Variants in SUPT3H observed in about 807,000 individuals in gnomAD.
SUPT3H encodes SPT3 homolog, SAGA and STAGA complex component, also known as transcription initiation protein SPT3 homolog.
A neutral mutation model predicts 44.3 loss-of-function variants in SUPT3H; 44 were observed. The observed-to-expected ratio is 0.99, with a 90% CI of 0.78 to 1.28. SUPT3H has a LOEUF of 1.28. Ranked by LOEUF, SUPT3H falls within the 50% of genes most tolerant of loss-of-function variation. The probability of loss-of-function intolerance (pLI) is 0.00; values close to 1 mark genes in which losing one functional copy is unlikely to be tolerated. For missense variants in SUPT3H, 380 were observed against 387.1 expected (o/e 0.98, Z 0.15); for synonymous variants, 124 against 125.6 (o/e 0.99, Z 0.09).
At chr6:44,851,376 T>C (rs1772856038) in intron 10 of SUPT3H, among the ~76,000 whole-genome samples, 1 of 152,208 alleles carries the variant, frequency 6.6e-6, no homozygotes, top group Non-Finnish European at 1.5e-5. Flanking sequence ...CTGATGTGAC[T>C]CACGCTTGTG....
chr6:45,243,861 T>C (rs1562779095), intron 2 of SUPT3H, among the ~76,000 whole-genome samples: 2 of 152,190 alleles, frequency 1.3e-5, no homozygotes. Flanking sequence ...CGATCTGTTT[T>C]ATATTTTTAA....
At chr6:45,303,732 T>C (rs1449963256) in intron 2 of SUPT3H, among the ~76,000 whole-genome samples, 1 of 149,560 alleles carries the variant, frequency 6.7e-6, no homozygotes, top group Non-Finnish European at 1.5e-5. Flanking sequence ...CAGTGGCTCA[T>C]GCCTGTAATC....
chr6:45,320,133 T>C (rs1429403975), intron 2 of SUPT3H, among the ~76,000 whole-genome samples: 2 of 152,086 alleles, frequency 1.3e-5, no homozygotes, highest in Non-Finnish European at 2.9e-5. Context: ...CGTAACAATA[T>C]TATTAAAAAA....
chr6:45,037,290 A>G lies in SUPT3H; in HGVS notation c.187-16658T>C, dbSNP rs1474689808. Among the ~76,000 whole-genome samples the G allele has an allele frequency of 2.0e-5, 3 of 151,914 alleles. No individual in the cohort carries two copies. The East Asian group carries it at 5.8e-4, about 29-fold the overall frequency. ...GAAGGGGGTAAGAAATGGAGGGAGA[A>G]AAGAAAAGATGCAGAAAAAAAAAGA... On this transcript the variant is annotated intron_variant, in intron 3 of 10. Coordinates refer to ENST00000371459, the MANE Select transcript of SUPT3H (RefSeq NM_003599.4).
chr6:45,040,762 T>C (rs1277744348), intron 3 of SUPT3H, among the ~76,000 whole-genome samples: 1 of 152,150 alleles, frequency 6.6e-6, no homozygotes, highest in Non-Finnish European at 1.5e-5. Flanking sequence ...TAATTAAATA[T>C]ATTGAGGTTG....
intron 2 of SUPT3H, among the ~76,000 whole-genome samples, chr6:45,167,809 TTTCA>T (rs1163935908): frequency 6.6e-6 from 1 of 151,896 alleles, no homozygotes; most frequent in East Asian, 1.9e-4. Context: ...ACTTCTTTAT[TTTCA>T]TTTATTTTTT....
intron 2 of SUPT3H, among the ~76,000 whole-genome samples, chr6:45,209,229 T>C (rs1429354704): frequency 1.3e-5 from 2 of 152,204 alleles, no homozygotes; most frequent in Non-Finnish European, 2.9e-5. Context: ...CTGCAGCCCA[T>C]GGATCAAGGA....
chr6:45,171,713 C>CTTTTTTTTTT (rs777154020), intron 2 of SUPT3H, among the ~76,000 whole-genome samples: 7 of 93,474 alleles, frequency 7.5e-5, no homozygotes, highest in Middle Eastern at 0.011. Flanking sequence ...ATTCCACTTG[C>CTTTTTTTTTT]TTTTTTTTTT....
Position 45,116,680 on chromosome 6 carries a change from T to G in SUPT3H, c.102-10674A>C, listed in dbSNP as rs1240903534. On this transcript the variant is annotated intron_variant, in intron 2 of 10. Coordinates refer to ENST00000371459, the MANE Select transcript of SUPT3H (RefSeq NM_003599.4). ...AAAGCTTACTTTAAAGGTCTGGTTTTGTTTTGTTTTTGCTAAACAGCATCT... is the reference window on the plus strand; with the variant it reads ...AAAGCTTACTTTAAAGGTCTGGTTTGGTTTTGTTTTTGCTAAACAGCATCT... Among the ~76,000 whole-genome samples, 6 of 152,180 alleles carry G rather than the reference T, an allele frequency of 3.9e-5. No homozygotes were observed. The South Asian group carries it at 8.3e-4, about 21-fold the overall frequency.
At chr6:44,919,363 T>G (rs1768290146) in intron 10 of SUPT3H, among the ~76,000 whole-genome samples, 2 of 152,128 alleles carry the variant, frequency 1.3e-5, no homozygotes, top group African/African-American at 4.8e-5. Flanking sequence ...TCATTAACGG[T>G]TTAGAAAGTC....
chr6:45,105,902 CA>C lies in SUPT3H; in HGVS notation c.186+19del. On this transcript the variant is annotated intron_variant, in intron 3 of 10. Transcript: ENST00000371459. ...AGAATGCAGAGAAGAGAAACCAAAT[CA>C]AATTATATATGCTCTTACCAGATTA... The C allele has an allele frequency of 1.3e-6, 2 of 1,588,494 alleles. No individual in the cohort carries two copies. Among genetic ancestry groups the C allele is most frequent in the Non-Finnish European group, 1.7e-6 (2 of 1,160,384 alleles).
chr6:45,285,672 G>T (rs1269032581), intron 2 of SUPT3H, among the ~76,000 whole-genome samples: 1 of 152,118 alleles, frequency 6.6e-6, no homozygotes, highest in Non-Finnish European at 1.5e-5. Context: ...TACTGCCCAA[G>T]ATAATTTATA....
intron 10 of SUPT3H, among the ~76,000 whole-genome samples, chr6:44,866,585 C>T (rs1775547625): frequency 6.6e-6 from 1 of 151,640 alleles, no homozygotes; most frequent in Non-Finnish European, 1.5e-5. Flanking sequence ...CCTTCTAGTG[C>T]CCAACTCCTT....
chr6:45,092,508 G>T (rs773059315), intron 3 of SUPT3H, among the ~76,000 whole-genome samples: 3 of 152,020 alleles, frequency 2.0e-5, no homozygotes, highest in Non-Finnish European at 2.9e-5. Flanking sequence ...CCCAGCATTT[G>T]GGAGGCTGAG....
chr6:45,187,095 C>T (rs1024270230), intron 2 of SUPT3H, among the ~76,000 whole-genome samples: 83 of 93,280 alleles, frequency 8.9e-4, no homozygotes, highest in Non-Finnish European at 1.3e-3. Context: ...GATACTTTTT[C>T]GCCTTTAAAA....
intron 6 of SUPT3H, among the ~76,000 whole-genome samples, chr6:44,974,979 T>C (rs1450256609): frequency 2.0e-5 from 3 of 152,268 alleles, no homozygotes; most frequent in Middle Eastern, 3.4e-3. Context: ...GAGACCAGCC[T>C]GACCAATATG....
intron 10 of SUPT3H, among the ~76,000 whole-genome samples, chr6:44,910,036 T>A (rs1766763938): frequency 6.6e-6 from 1 of 152,188 alleles, no homozygotes; most frequent in Non-Finnish European, 1.5e-5. Context: ...AAATTGCTAC[T>A]GGGATTTCTG....
At position 45,020,652 on chromosome 6, in the gene SUPT3H, A is replaced by G. The variant is rs1784995522; in HGVS notation, c.187-20T>C. 1 of 1,595,124 alleles carries G rather than the reference A, an allele frequency of 6.3e-7. No individual in the cohort carries two copies. The highest frequency in any genetic ancestry group is 8.6e-7 in the Non-Finnish European group (1 of 1,165,414). ...CTGTAACTAACAATAATGAAAATTT[A>G]GAAATTTTTCTCAGTAACACAAATT... On this transcript the variant is annotated intron_variant, in intron 3 of 10. Coordinates refer to ENST00000371459, the MANE Select transcript of SUPT3H (RefSeq NM_003599.4).
At chr6:45,241,714 A>G (rs2153646917) in intron 2 of SUPT3H, among the ~76,000 whole-genome samples, 1 of 152,272 alleles carries the variant, frequency 6.6e-6, no homozygotes, top group South Asian at 2.1e-4. Flanking sequence ...GTGAGAGGTC[A>G]TCAGTGAGAA....
Sources: allele counts gnomAD v4.1 joint callset (sites outside exome capture counted in the v4.1 genomes callset), GRCh38; gene constraint gnomAD v4.1.1; transcripts MANE v1.5; gene names NCBI Gene and HGNC (gene_info 2026-07-23, HGNC 2026-07-21).